The following ADAMTS3 variants were observed in gnomAD, a reference collection of about 807,000 sequenced individuals.
The protein encoded by ADAMTS3 is ADAM metallopeptidase with thrombospondin type 1 motif 3, also known as A disintegrin and metalloproteinase with thrombospondin motifs 3.
Under a neutral mutation model 129.0 loss-of-function variants are expected in ADAMTS3, and 73 were observed. The observed-to-expected ratio is 0.57, with a 90% CI of 0.47 to 0.69. The LOEUF is 0.69. Among genes scored for constraint, ADAMTS3 ranks in the 30% least tolerant of loss-of-function variants. The probability of loss-of-function intolerance (pLI) is 0.00; values close to 1 mark genes in which losing one functional copy is unlikely to be tolerated. For missense variants in ADAMTS3, 1,457 were observed against 1,514.5 expected (o/e 0.96, Z 0.63); for synonymous variants, 477 against 510.8 (o/e 0.93, Z 0.89).
chr4:72,401,566 CAAAAAAA>C (rs374322807), intron 4 of ADAMTS3, among the ~76,000 whole-genome samples: 3 of 37,054 alleles, frequency 8.1e-5, no homozygotes, highest in South Asian at 1.7e-3. Flanking sequence ...TACTCTGTCT[CAAAAAAA>C]AAAAAAAAAA....
At chr4:72,528,521 T>TAAAAAAAAAAAAAAAAAAAAA (rs11324929) in intron 3 of ADAMTS3, among the ~76,000 whole-genome samples, 1 of 89,682 alleles carries the variant, frequency 1.1e-5, no homozygotes. Context: ...AAGTGAAAAC[T>TAAAAAAAAAAAAAAAAAAAAA]AAAAAAAAAA....
In ADAMTS3 at chr4:72,339,655, A is replaced by G; in HGVS notation, c.700T>C (p.Tyr234His). Reference sequence around the variant, plus strand: ...TTCAGCTGCTGGTGGATGTTGCCATAAACAGTACCTAGATCATCAAGGCCT... The same window carrying G: ...TTCAGCTGCTGGTGGATGTTGCCATGAACAGTACCTAGATCATCAAGGCCT... ...LEGLDDLGTVYGNIHQQLNET... is the reference protein window; with the variant it reads ...LEGLDDLGTVHGNIHQQLNET... Residue 234 changes from tyrosine (Y) to histidine (H), a missense_variant, in exon 5 of 22, where the codon TAT becomes CAT. By Grantham distance (83) the Tyr-to-His change is moderately conservative. Transcript: ENST00000286657. The G allele has an allele frequency of 6.2e-7, 1 of 1,613,878 alleles. No individual in the cohort carries two copies. Among genetic ancestry groups the G allele is most frequent in the Non-Finnish European group, 8.5e-7 (1 of 1,179,862 alleles).
chr4:72,474,379 A>G (rs1293227442), intron 3 of ADAMTS3, among the ~76,000 whole-genome samples: 2 of 152,312 alleles, frequency 1.3e-5, no homozygotes, highest in Admixed American at 6.5e-5. Context: ...GAAAATTCAA[A>G]TAAAGTATTA....
intron 3 of ADAMTS3, among the ~76,000 whole-genome samples, chr4:72,463,873 A>G (rs1036967908): frequency 4.6e-5 from 7 of 151,872 alleles, no homozygotes; most frequent in Non-Finnish European, 8.8e-5. Flanking sequence ...AAGGATCAAG[A>G]GCTCTGTGTT....
intron 3 of ADAMTS3, among the ~76,000 whole-genome samples, chr4:72,455,965 A>G (rs1427387618): frequency 1.1e-5 from 1 of 88,786 alleles, no homozygotes. Flanking sequence ...TATACTATAT[A>G]TATTTTACAT....
chr4:72,437,523 C>A (rs755277524), intron 3 of ADAMTS3, among the ~76,000 whole-genome samples: 1 of 151,742 alleles, frequency 6.6e-6, no homozygotes, highest in Non-Finnish European at 1.5e-5. Flanking sequence ...TGATCATAGT[C>A]CTATTTCTAT....
At chr4:72,342,620 C>T (rs1458135286) in intron 4 of ADAMTS3, among the ~76,000 whole-genome samples, 2 of 152,128 alleles carry the variant, frequency 1.3e-5, no homozygotes, top group African/African-American at 2.4e-5. Context: ...GATCTGCCTG[C>T]CTCAGCCTCC....
chr4:72,318,634 T>C lies in ADAMTS3; in HGVS notation c.1423A>G (p.Asn475Asp), dbSNP rs1719463587. The C allele has an allele frequency of 6.2e-7, 1 of 1,613,664 alleles. No individual in the cohort carries two copies. The highest frequency in any genetic ancestry group is 1.3e-5 in the African/African-American group (1 of 74,862). Residue 475 changes from asparagine to aspartate, a missense_variant, in exon 10 of 22, where the codon AAT becomes GAT. Transcript: ENST00000286657. ...WPKLPELPGI[N>D]YSMDEQCRFD... ...CGACATTGCTCATCCATAGAATAAT[T>C]GATTCCAGGAAGTTCTGGGAGTTTA...
At chr4:72,291,746 A>G (rs1718676116) in intron 19 of ADAMTS3, among the ~76,000 whole-genome samples, 1 of 152,028 alleles carries the variant, frequency 6.6e-6, no homozygotes, top group Non-Finnish European at 1.5e-5. Flanking sequence ...CATGATTTAT[A>G]GTCCTTTGGG....
chr4:72,336,393 T>C (rs1719989242), intron 5 of ADAMTS3, among the ~76,000 whole-genome samples: 1 of 152,174 alleles, frequency 6.6e-6, no homozygotes, highest in Non-Finnish European at 1.5e-5. Context: ...AAGGAGATAG[T>C]TATTTGAACA....
At chr4:72,437,484 C>T (rs1717974575) in intron 3 of ADAMTS3, among the ~76,000 whole-genome samples, 2 of 151,704 alleles carry the variant, frequency 1.3e-5, no homozygotes, top group Admixed American at 6.6e-5. Context: ...TCTGTATCCT[C>T]CTTAGTTGAT....
chr4:72,356,942 T>C (rs1417888080), intron 4 of ADAMTS3, among the ~76,000 whole-genome samples: 2 of 151,836 alleles, frequency 1.3e-5, no homozygotes, highest in Non-Finnish European at 1.5e-5. Flanking sequence ...TCCTGCCAAA[T>C]GATAAGAACA....
At chr4:72,290,718 C>T in intron 20 of ADAMTS3, 137 bp downstream of exon 20, 1 of 902,094 alleles carries the variant, frequency 1.1e-6, no homozygotes. Context: ...TTTTTCCTAA[C>T]ACCTCCAGGT....
intron 3 of ADAMTS3, among the ~76,000 whole-genome samples, chr4:72,440,812 G>A (rs145265913): frequency 5.6e-4 from 85 of 151,646 alleles, no homozygotes; most frequent in African/African-American, 2.0e-3. Flanking sequence ...AAGTCCCGTG[G>A]GAGTGAAATA....
intron 2 of ADAMTS3, among the ~76,000 whole-genome samples, chr4:72,558,934 G>C (rs547388545): frequency 6.6e-6 from 1 of 151,798 alleles, no homozygotes; most frequent in East Asian, 1.9e-4. Flanking sequence ...CAAAAAAGAG[G>C]CATCTCTCTT....
chr4:72,418,898 C>A (rs765730785), intron 3 of ADAMTS3, among the ~76,000 whole-genome samples: 4 of 152,226 alleles, frequency 2.6e-5, no homozygotes, highest in Non-Finnish European at 5.9e-5. Flanking sequence ...AGTGTCCTCA[C>A]GAGGCCCCAA....
At chr4:72,429,796 A>T (rs1326519445) in intron 3 of ADAMTS3, among the ~76,000 whole-genome samples, 2 of 152,042 alleles carry the variant, frequency 1.3e-5, no homozygotes, top group Non-Finnish European at 2.9e-5. Flanking sequence ...CAGTTCAACT[A>T]TTCCTTCGGC....
intron 10 of ADAMTS3, 40 bp downstream of exon 10, chr4:72,318,532 T>C (rs368369880): frequency 6.2e-7 from 1 of 1,604,282 alleles, no homozygotes; most frequent in Non-Finnish European, 8.5e-7. Flanking sequence ...CACAAATAGA[T>C]TTCGAGCTGC....
intron 5 of ADAMTS3, among the ~76,000 whole-genome samples, chr4:72,334,012 C>A (rs192788007): frequency 1.6e-3 from 239 of 151,842 alleles, no homozygotes; most frequent in African/African-American, 5.4e-3. Context: ...TGCCACCACG[C>A]CTGGCTAAAT....
Sources: allele counts gnomAD v4.1 joint callset (sites outside exome capture counted in the v4.1 genomes callset), GRCh38; gene constraint gnomAD v4.1.1; transcripts MANE v1.5; gene names NCBI Gene and HGNC (gene_info 2026-07-23, HGNC 2026-07-21).